The following DLG2 variants were observed in gnomAD, a reference collection of about 807,000 sequenced individuals.
DLG2 encodes discs large MAGUK scaffold protein 2, also known as disks large homolog 2.
In DLG2, 45 loss-of-function variants were observed where a neutral mutation model predicts 132.5. That is an observed-to-expected ratio of 0.34 (90% confidence interval 0.27 to 0.44). The LOEUF (loss-of-function observed/expected upper bound fraction) is 0.44. Among genes scored for constraint, DLG2 ranks in the 20% least tolerant of loss-of-function variants. The pLI, the probability that DLG2 is intolerant of heterozygous loss-of-function variation, is 1.00. For synonymous variants in DLG2, 424 were observed against 419.6 expected (o/e 1.01, Z -0.13); for missense variants, 1,045 against 1,196.9 (o/e 0.87, Z 1.87).
At chr11:84,224,945 C>T (rs1386161007) in intron 8 of DLG2, among the ~76,000 whole-genome samples, 1 of 152,196 alleles carries the variant, frequency 6.6e-6, no homozygotes, top group African/African-American at 2.4e-5. Context: ...ATTTCTTGCC[C>T]TTTAAATTTA....
rs11233736 is a variant in DLG2 at position 83,738,579 on chromosome 11, C to T, written c.1825+48111G>A. 4.6e-3 allele frequency among the ~76,000 whole-genome samples: 699 copies of T among 152,088 alleles called. 6 individuals are homozygous for T. The highest frequency in any genetic ancestry group is 5.6e-3 in the Non-Finnish European group (380 of 67,930). ...CAAAACAGCAGGAGATACAGTCAGA[C>T]GGAGAAGCTGTGCTCTGTACAATAA... On this transcript the variant is annotated intron_variant, in intron 18 of 27. Coordinates refer to ENST00000376104, the MANE Select transcript of DLG2 (RefSeq NM_001142699.3).
chr11:84,668,418 T>C (rs928970340), intron 6 of DLG2, among the ~76,000 whole-genome samples: 3 of 152,178 alleles, frequency 2.0e-5, no homozygotes, highest in African/African-American at 7.2e-5. Context: ...AATTATCAAA[T>C]AGAAGGTAAC....
At chr11:84,969,830 A>C (rs931278874) in intron 6 of DLG2, among the ~76,000 whole-genome samples, 1 of 152,198 alleles carries the variant, frequency 6.6e-6, no homozygotes, top group African/African-American at 2.4e-5. Context: ...ATGGAATACT[A>C]TGCAGCCATA....
intron 7 of DLG2, among the ~76,000 whole-genome samples, chr11:84,358,340 T>C (rs140061235): frequency 9.0e-4 from 137 of 151,684 alleles, no homozygotes; most frequent in Admixed American, 1.6e-3. Flanking sequence ...AACTTCTGTC[T>C]TCATCAAACA....
At chr11:85,145,511 C>G (rs2076781697) in intron 5 of DLG2, among the ~76,000 whole-genome samples, 2 of 151,934 alleles carry the variant, frequency 1.3e-5, no homozygotes, top group South Asian at 4.1e-4. Flanking sequence ...GCTTCATTCT[C>G]TTTATTATTT....
At chr11:85,217,311 C>A (rs1180534936) in intron 4 of DLG2, among the ~76,000 whole-genome samples, 1 of 55,260 alleles carries the variant, frequency 1.8e-5, no homozygotes, top group Non-Finnish European at 3.9e-5. Flanking sequence ...TAGATTCTCT[C>A]TCTCTCTCAC....
chr11:84,835,742 CATTT>C (rs1401915537), intron 6 of DLG2, among the ~76,000 whole-genome samples: 3 of 151,644 alleles, frequency 2.0e-5, no homozygotes, highest in African/African-American at 7.2e-5. Flanking sequence ...ACATCATAGT[CATTT>C]ATTTATTTCA....
chr11:84,922,717 T>A (rs1405491684), intron 6 of DLG2, among the ~76,000 whole-genome samples: 1 of 152,182 alleles, frequency 6.6e-6, no homozygotes, highest in Non-Finnish European at 1.5e-5. Flanking sequence ...CAGCACTTTT[T>A]AAAAGAAAGA....
At chr11:84,854,440 T>C (rs909690088) in intron 6 of DLG2, among the ~76,000 whole-genome samples, 1 of 152,116 alleles carries the variant, frequency 6.6e-6, no homozygotes, top group East Asian at 1.9e-4. Flanking sequence ...AAGTAGCAGA[T>C]GATGCTACCA....
chr11:84,785,243 CT>C (rs1351876261), intron 6 of DLG2, among the ~76,000 whole-genome samples: 4 of 151,890 alleles, frequency 2.6e-5, no homozygotes, highest in South Asian at 2.1e-4. Context: ...TAAAAATATG[CT>C]TTTTTTAAAT....
At chr11:83,850,817 A>C (rs1446449491) in intron 16 of DLG2, among the ~76,000 whole-genome samples, 1 of 152,206 alleles carries the variant, frequency 6.6e-6, no homozygotes, top group East Asian at 1.9e-4. Flanking sequence ...AAGCTATACA[A>C]GAGCTCTCTG....
chr11:84,070,150 T>C (rs1193554824), intron 10 of DLG2, among the ~76,000 whole-genome samples: 1 of 152,218 alleles, frequency 6.6e-6, no homozygotes, highest in African/African-American at 2.4e-5. Context: ...AAATTAAAAC[T>C]GTGGTTAATC....
At chr11:85,137,744 A>G (rs535300298) in intron 5 of DLG2, among the ~76,000 whole-genome samples, 2 of 152,254 alleles carry the variant, frequency 1.3e-5, no homozygotes, top group South Asian at 4.1e-4. Context: ...CTGGCCTCCT[A>G]TCCCTGTCTA....
intron 6 of DLG2, among the ~76,000 whole-genome samples, chr11:84,656,605 C>T (rs2099688600): frequency 6.6e-6 from 1 of 152,068 alleles, no homozygotes; most frequent in Non-Finnish European, 1.5e-5. Context: ...CTACTCTGTC[C>T]CATTTCCTTA....
intron 7 of DLG2, among the ~76,000 whole-genome samples, chr11:84,389,306 G>A (rs116365116): frequency 3.9e-5 from 6 of 152,178 alleles, no homozygotes; most frequent in African/African-American, 1.4e-4. Flanking sequence ...GAAATTACTA[G>A]TGATCAAGGG....
chr11:83,942,278 T>C (rs1401355983), intron 14 of DLG2, among the ~76,000 whole-genome samples: 1 of 152,170 alleles, frequency 6.6e-6, no homozygotes, highest in African/African-American at 2.4e-5. Flanking sequence ...CTTTCCTATG[T>C]AAGTAAATTT....
chr11:84,171,558 C>CT (rs1430510183), intron 8 of DLG2, among the ~76,000 whole-genome samples: 1 of 152,144 alleles, frequency 6.6e-6, no homozygotes, highest in Non-Finnish European at 1.5e-5. Flanking sequence ...AGACTTCATT[C>CT]TTTTTTATGG....
Position 83,841,810 on chromosome 11 carries a change from A to G in DLG2, c.1566-8040T>C, listed in dbSNP as rs187925672. Among the ~76,000 whole-genome samples, 387 of 152,334 alleles carry G rather than the reference A, an allele frequency of 2.5e-3. 1 individual carries two copies. Among genetic ancestry groups the G allele is most frequent in the Non-Finnish European group, 4.3e-3 (294 of 68,036 alleles). ...TACCCATCCATCCAACTTCCAATAG[A>G]CAAGCATCTATGGAGTACCTATGTT... is the stretch of plus-strand genomic sequence containing the variant. On this transcript the variant is annotated intron_variant, in intron 16 of 27. Transcript: ENST00000376104.
chr11:84,169,402 G>C (rs2095759195), intron 8 of DLG2, among the ~76,000 whole-genome samples: 1 of 152,122 alleles, frequency 6.6e-6, no homozygotes, highest in South Asian at 2.1e-4. Flanking sequence ...AATACTGAAT[G>C]TTTGCTAATT....
Sources: gnomAD v4.1 joint callset for allele counts (sites outside exome capture counted in the v4.1 genomes callset) on GRCh38, gnomAD v4.1.1 for gene constraint, MANE v1.5 for transcripts, NCBI Gene and HGNC (gene_info 2026-07-23, HGNC 2026-07-21) for gene names.